Variants in FCRL5 observed in about 807,000 individuals in gnomAD.
FCRL5 encodes the protein Fc receptor like 5, also known as Fc receptor-like protein 5.
A neutral mutation model predicts 92.1 loss-of-function variants in FCRL5; 79 were observed. The ratio of observed to expected loss-of-function variants is 0.86; its 90% CI spans 0.72 to 1.03. The LOEUF (loss-of-function observed/expected upper bound fraction) is 1.03, where lower values mean the gene tolerates loss of function less well. FCRL5 is among the 50% of genes least tolerant of loss of function. The pLI, the probability that FCRL5 is intolerant of heterozygous loss-of-function variation, is 0.00. For missense variants in FCRL5, 1,160 were observed against 1,181.1 expected, an observed-to-expected ratio of 0.98 and a Z score of 0.26; for synonymous variants, 466 against 469.3, an observed-to-expected ratio of 0.99 and a Z score of 0.09.
intron 13 of FCRL5, chr1:157,519,070 A>C (rs1195484420): frequency 3.9e-6 from 1 of 258,072 alleles, no homozygotes; most frequent in African/African-American, 2.3e-5. Context: ...GGAGGCTCCA[A>C]TAAGTGACTT....
At chr1:157,528,677 C>T (rs1650551481) in intron 8 of FCRL5, 1 of 152,150 alleles carries the variant, frequency 6.6e-6, no homozygotes, top group Non-Finnish European at 1.5e-5. Flanking sequence ...GCCAACTGAT[C>T]TTTGATAAAG....
Position 157,513,381 on chromosome 1 carries a change from G to A in FCRL5, c.*2294C>T, listed in dbSNP as rs1473485207. ...ACACACATACACATGCACACATACA[G>A]AAAGATTGGTTTATTAGAATGAATT... On this transcript the variant is annotated 3_prime_UTR_variant, in exon 17 of 17. Coordinates refer to ENST00000361835, the MANE Select transcript of FCRL5 (RefSeq NM_031281.3). 1 of 152,186 alleles carries A rather than the reference G, an allele frequency of 6.6e-6. No homozygotes were observed. Among genetic ancestry groups the A allele is most frequent in the Non-Finnish European group, 1.5e-5 (1 of 68,048 alleles). The allele number at this position is 152,186 out of a possible 1,614,324, so 9.4% of individuals were successfully genotyped here. A position where few individuals can be genotyped will look rare whatever the true frequency, so the allele number is the denominator to read the frequency against.
chr1:157,518,850 G>C, intron 13 of FCRL5, 68 bp from the exon 14 acceptor site: 1 of 1,302,312 alleles, frequency 7.7e-7, no homozygotes, highest in Non-Finnish European at 1.1e-6. Flanking sequence ...ATCACTCCTA[G>C]TGAGTGACTT....
chr1:157,550,712 A>G (rs1213029918), intron 1 of FCRL5, among the ~76,000 whole-genome samples: 1 of 152,238 alleles, frequency 6.6e-6, no homozygotes. Flanking sequence ...TTCACTAAAT[A>G]TATTTGTGTT....
chr1:157,546,980 G>C lies in FCRL5; in HGVS notation c.270C>G (p.Ser90=). ...CCAAGTGCACAGGGCTACTGAGAGG[G>C]GAGCCCTGGGCCTGGCATCTGTACT... is the stretch of plus-strand genomic sequence containing the variant. The part of the protein sequence containing the change: ...SGEYRCQAQG[S]PLSSPVHLDF... The change falls in exon 3 of 17, where the codon TCC becomes TCG. Residue 90 remains serine (S), a synonymous_variant. Coordinates refer to ENST00000361835, the MANE Select transcript of FCRL5 (RefSeq NM_031281.3). The C allele has an allele frequency of 6.2e-7, 1 of 1,614,164 alleles. No individual in the cohort carries two copies. The highest frequency in any genetic ancestry group is 8.5e-7 in the Non-Finnish European group (1 of 1,180,022).
At chr1:157,537,612 A>G (rs1371750300) in intron 7 of FCRL5, among the ~76,000 whole-genome samples, 9 of 152,164 alleles carry the variant, frequency 5.9e-5, no homozygotes. Context: ...ACACCCTATT[A>G]GTACACTCCC....
chr1:157,534,961 T>C lies in FCRL5; in HGVS notation c.1403-69A>G, dbSNP rs1444681493. Reference sequence around the variant, plus strand: ...ACTGTAGATTTCAACACTTGGCCAGTGCAGATGCCCAGTCTCCAGTACAGG... The same window carrying C: ...ACTGTAGATTTCAACACTTGGCCAGCGCAGATGCCCAGTCTCCAGTACAGG... On this transcript the variant is annotated intron_variant, in intron 7 of 16. Coordinates refer to ENST00000361835, the MANE Select transcript of FCRL5 (RefSeq NM_031281.3). The C allele has an allele frequency of 7.7e-6, 11 of 1,426,958 alleles. 1 individual carries two copies. The South Asian group carries it at 8.6e-5, about 11-fold the overall frequency. 88.4% of individuals were successfully genotyped at this position (1,426,958 alleles called of 1,614,324 possible).
intron 8 of FCRL5, chr1:157,533,910 T>A (rs1442157761): frequency 6.2e-6 from 1 of 160,464 alleles, no homozygotes; most frequent in Non-Finnish European, 1.4e-5. Context: ...TTTTCTATCA[T>A]ACCATTTGGC....
intron 1 of FCRL5, 114 bp from the exon 2 acceptor site, chr1:157,549,694 T>TA (rs1364036818): frequency 1.2e-5 from 9 of 766,824 alleles, no homozygotes; most frequent in Admixed American, 3.1e-5. Flanking sequence ...AAAATTCATT[T>TA]AAAAACTCTA....
In FCRL5 at chr1:157,515,740, C is replaced by T. The variant is rs200505585; in HGVS notation, c.2869G>A (p.Val957Ile). The T allele has an allele frequency of 8.1e-6, 13 of 1,613,902 alleles. No homozygotes were observed. In the African/African-American group the frequency reaches 1.6e-4, roughly 20 times the overall value. The change falls in exon 17 of 17, where the codon GTT (valine) becomes ATT (isoleucine). Residue 957 changes from valine (V) to isoleucine (I), a missense_variant. Val to Ile is a conservative substitution (Grantham distance 29). Transcript: ENST00000361835. ...GAAACCGGGGTTGACGCCACCTTAA[C>T]TTCAGAGTAGATGATAGGGGAACCC... ...NKGSPIIYSE[V>I]KVASTPVSGS...
At chr1:157,545,677 C>G (rs954102657) in intron 3 of FCRL5, among the ~76,000 whole-genome samples, 3 of 151,852 alleles carry the variant, frequency 2.0e-5, no homozygotes, top group Non-Finnish European at 4.4e-5. Flanking sequence ...TACAGGCACC[C>G]GCCACCAAGC....
rs531263486 is a variant in FCRL5 at position 157,552,261 on chromosome 1, G to A, written c.31+71C>T. 4.2e-5 allele frequency: 62 copies of A among 1,484,918 alleles called. No homozygotes were observed. The East Asian group carries it at 1.4e-3, about 34-fold the overall frequency. 92.0% of individuals were successfully genotyped at this position (1,484,918 alleles called of 1,614,324 possible). ...CAGCAGGGGCTGAGCCCCAAGAAAGGACCAGGCCTGCGGTGGAGAGAGAAG... is the reference window on the plus strand; with the variant it reads ...CAGCAGGGGCTGAGCCCCAAGAAAGAACCAGGCCTGCGGTGGAGAGAGAAG... On this transcript the variant is annotated intron_variant, in intron 1 of 16. Transcript: ENST00000361835.
rs754327142 is a variant in FCRL5 at position 157,527,876 on chromosome 1, G to A, written c.1701C>T (p.Ile567=). 3.8e-6 allele frequency: 6 copies of A among 1,597,672 alleles called. No homozygotes were observed. Among genetic ancestry groups the A allele is most frequent in the Non-Finnish European group, 5.1e-6 (6 of 1,172,794 alleles). Residue 567 remains isoleucine, a synonymous_variant, in exon 9 of 17, where the codon ATC becomes ATT. Transcript: ENST00000361835. ...GGGCCCTGGGAACCCTGAGGGTGAG[G>A]ATGGGGCGAGACACTGGAACTGAGA... is the stretch of plus-strand genomic sequence containing the variant. ...LFVTVPVSRP[I]LTLRVPRAQA...
Position 157,519,733 on chromosome 1 carries a change from C to T in FCRL5, c.2660+10G>A. On this transcript the variant is annotated intron_variant, in intron 13 of 16. Coordinates refer to ENST00000361835, the MANE Select transcript of FCRL5 (RefSeq NM_031281.3). Reference sequence around the variant, plus strand: ...TCACTAATCACACAGGAATGCAGCTCAGCTCTTACCTGGCGGGGTCAGAGG... The same window carrying T: ...TCACTAATCACACAGGAATGCAGCTTAGCTCTTACCTGGCGGGGTCAGAGG... 6.2e-7 allele frequency: 1 copy of T among 1,613,728 alleles called. No homozygotes were observed. The highest frequency in any genetic ancestry group is 8.5e-7 in the Non-Finnish European group (1 of 1,179,670).
chr1:157,536,258 C>T (rs1030368958), intron 7 of FCRL5, among the ~76,000 whole-genome samples: 2 of 152,098 alleles, frequency 1.3e-5, no homozygotes, highest in South Asian at 2.1e-4. Flanking sequence ...CAGTTTTTAT[C>T]TTTCATCATC....
At chr1:157,552,260 G>A in intron 1 of FCRL5, 72 bp downstream of exon 1, 1 of 1,478,416 alleles carries the variant, frequency 6.8e-7, no homozygotes, top group Non-Finnish European at 9.5e-7. Context: ...CCCCAAGAAA[G>A]GACCAGGCCT....
chr1:157,516,849 G>T (rs1649955902), intron 15 of FCRL5, among the ~76,000 whole-genome samples: 1 of 152,134 alleles, frequency 6.6e-6, no homozygotes, highest in African/African-American at 2.4e-5. Context: ...AAGATTTCAG[G>T]CAAGTCATTT....
chr1:157,539,646 T>G (rs1651157028), intron 6 of FCRL5, among the ~76,000 whole-genome samples: 1 of 152,246 alleles, frequency 6.6e-6, no homozygotes, highest in Admixed American at 6.5e-5. Context: ...GGTTCTGTTT[T>G]ACCCTAACAG....
chr1:157,531,232 A>G (rs559498362), intron 8 of FCRL5, among the ~76,000 whole-genome samples: 1 of 152,342 alleles, frequency 6.6e-6, no homozygotes, highest in Admixed American at 6.5e-5. Context: ...GGTCAATATC[A>G]CTAATTATTG....
Sources: allele counts gnomAD v4.1 joint callset (sites outside exome capture counted in the v4.1 genomes callset), GRCh38; gene constraint gnomAD v4.1.1; transcripts MANE v1.5; gene names NCBI Gene and HGNC (gene_info 2026-07-23, HGNC 2026-07-21).